CAPZB: variants seen among roughly 807,000 people sequenced by gnomAD.
The protein encoded by CAPZB is capping actin protein of muscle Z-line subunit beta.
CAPZB carries 2 observed loss-of-function variants against 38.1 expected under a neutral mutation model. The observed-to-expected ratio is 0.05, with a 90% CI of 0.02 to 0.17. The LOEUF is 0.17. Ranked by LOEUF, CAPZB falls within the 10% of genes least tolerant of loss-of-function variation. The pLI is 1.00. For missense variants in CAPZB, 161 were observed against 334.2 expected (o/e 0.48, Z 4.04); for synonymous variants, 107 against 127.4 (o/e 0.84, Z 1.08).
chr1:19,405,452 G>A (rs1243311029), intron 2 of CAPZB, among the ~76,000 whole-genome samples: 1 of 150,910 alleles, frequency 6.6e-6, no homozygotes, highest in African/African-American at 2.4e-5. Flanking sequence ...AAAACAATGC[G>A]GGCGAAGAAG....
chr1:19,436,101 G>A (rs2100605888), intron 1 of CAPZB, among the ~76,000 whole-genome samples: 1 of 152,298 alleles, frequency 6.6e-6, no homozygotes, highest in South Asian at 2.1e-4. Context: ...CTTATCTGCA[G>A]TTTTGTTTTT....
intron 2 of CAPZB, among the ~76,000 whole-genome samples, chr1:19,392,872 G>A (rs2094244713): frequency 6.6e-6 from 1 of 152,220 alleles, no homozygotes; most frequent in Non-Finnish European, 1.5e-5. Context: ...AGCACATGCT[G>A]GGAAAGGCCT....
intron 8 of CAPZB, among the ~76,000 whole-genome samples, chr1:19,341,753 G>C (rs192445514): frequency 2.0e-5 from 3 of 152,348 alleles, no homozygotes; most frequent in Non-Finnish European, 4.4e-5. Flanking sequence ...CACACTGTGA[G>C]GCTGACCCGA....
At chr1:19,433,066 A>G (rs1054524474) in intron 1 of CAPZB, among the ~76,000 whole-genome samples, 1 of 152,238 alleles carries the variant, frequency 6.6e-6, no homozygotes, top group Non-Finnish European at 1.5e-5. Context: ...CCCCTTGAGA[A>G]GATCTGCAAG....
intron 6 of CAPZB, among the ~76,000 whole-genome samples, chr1:19,352,059 A>T (rs1304769740): frequency 2.0e-5 from 3 of 152,242 alleles, no homozygotes; most frequent in Non-Finnish European, 4.4e-5. Context: ...GCGGGTGTGC[A>T]GCTGCAGCCA....
rs549335865 is a variant in CAPZB at position 19,439,034 on chromosome 1, T to C, written c.4-19284A>G. Among the ~76,000 whole-genome samples, 5 of 152,348 alleles carry C rather than the reference T, an allele frequency of 3.3e-5. No homozygotes were observed. The South Asian group carries it at 8.3e-4, about 25-fold the overall frequency. On this transcript the variant is annotated intron_variant, in intron 1 of 8. Transcript: ENST00000264202. ...ATCAGTTGGGATTCATTCTTACATG[T>C]TGTAAACATCACAGAGCTCCACCCA... is the stretch of plus-strand genomic sequence containing the variant.
At chr1:19,348,296 A>T in intron 6 of CAPZB, among the ~76,000 whole-genome samples, 1 of 151,324 alleles carries the variant, frequency 6.6e-6, no homozygotes, top group Non-Finnish European at 1.5e-5. Flanking sequence ...AAAGACAAGG[A>T]GGTCTTGCTA....
chr1:19,350,187 G>T (rs563820267), intron 6 of CAPZB, among the ~76,000 whole-genome samples: 1 of 152,378 alleles, frequency 6.6e-6, no homozygotes, highest in South Asian at 2.1e-4. Context: ...CTTCTAGCGC[G>T]ACCCGCAGGG....
intron 1 of CAPZB, among the ~76,000 whole-genome samples, chr1:19,474,151 A>C (rs1356588718): frequency 6.6e-6 from 1 of 151,976 alleles, no homozygotes; most frequent in Non-Finnish European, 1.5e-5. Context: ...GTGTGCCACC[A>C]CATTTGGCTA....
At chr1:19,445,316 C>T (rs2100662430) in intron 1 of CAPZB, among the ~76,000 whole-genome samples, 1 of 151,458 alleles carries the variant, frequency 6.6e-6, no homozygotes, top group East Asian at 1.9e-4. Flanking sequence ...GAACAAAAAC[C>T]CACCAAAAAA....
intron 7 of CAPZB, 84 bp downstream of exon 7, chr1:19,345,103 A>G (rs1038370577): frequency 2.0e-6 from 2 of 1,022,256 alleles, no homozygotes; most frequent in Non-Finnish European, 3.1e-6. Context: ...AGCAGCAGAG[A>G]AGGAGGCCAG....
In CAPZB at chr1:19,385,842, G is replaced by A. The variant is rs187759490; in HGVS notation, c.94-216C>T. 219 of 693,578 alleles carry A rather than the reference G, an allele frequency of 3.2e-4. 2 individuals carry two copies. In the East Asian group the frequency reaches 5.3e-3, roughly 17 times the overall value. 43.0% of individuals were successfully genotyped at this position (693,578 alleles called of 1,614,324 possible). On this transcript the variant is annotated intron_variant, in intron 2 of 8. Transcript: ENST00000264202. ...ACCCATTCTTGAATTACAGTGGAGC[G>A]TGATTTCTAATACAGTCTTCCTTCC...
intron 1 of CAPZB, among the ~76,000 whole-genome samples, chr1:19,474,784 G>A (rs2094601313): frequency 1.3e-5 from 2 of 152,182 alleles, no homozygotes; most frequent in South Asian, 4.1e-4. Flanking sequence ...CCATACTTTG[G>A]CTGCCTCAAA....
intron 8 of CAPZB, among the ~76,000 whole-genome samples, chr1:19,340,897 ACGGAGAGTGCACTCAG>A (rs1285905540): frequency 6.6e-6 from 1 of 152,114 alleles, no homozygotes; most frequent in Non-Finnish European, 1.5e-5. Context: ...GAAGAGTGCT[ACGGAGAGTGCACTCAG>A]CCGGACTCTC....
chr1:19,399,402 G>A (rs2094290993), intron 2 of CAPZB, among the ~76,000 whole-genome samples: 1 of 152,172 alleles, frequency 6.6e-6, no homozygotes, highest in Non-Finnish European at 1.5e-5. Flanking sequence ...GTGACCCTGG[G>A]TGTCAGGAAC....
intron 6 of CAPZB, among the ~76,000 whole-genome samples, chr1:19,354,507 C>T (rs572073594): frequency 9.7e-4 from 148 of 152,320 alleles, no homozygotes; most frequent in Non-Finnish European, 1.9e-3. Flanking sequence ...TGGTGATCGG[C>T]CGTTAGAATG....
At chr1:19,451,066 TACTC>T (rs1262124704) in intron 1 of CAPZB, among the ~76,000 whole-genome samples, 1 of 152,238 alleles carries the variant, frequency 6.6e-6, no homozygotes, top group Non-Finnish European at 1.5e-5. Context: ...CACTGACTGT[TACTC>T]ACAACACTGC....
chr1:19,454,374 T>G, intron 1 of CAPZB, among the ~76,000 whole-genome samples: 1 of 152,212 alleles, frequency 6.6e-6, no homozygotes, highest in East Asian at 1.9e-4. Flanking sequence ...TACCCCATAA[T>G]ATCTGCATCC....
Position 19,357,632 on chromosome 1 carries a change from C to A in CAPZB, c.330-69G>T. 3 of 1,497,094 alleles carry A rather than the reference C, an allele frequency of 2.0e-6. No homozygotes were observed. The highest frequency in any genetic ancestry group is 2.8e-6 in the Non-Finnish European group (3 of 1,082,610). The allele number at this position is 1,497,094 out of a possible 1,614,324, so 92.7% of individuals were successfully genotyped here. A position where few individuals can be genotyped will look rare whatever the true frequency, so the allele number is the denominator to read the frequency against. On this transcript the variant is annotated intron_variant, in intron 4 of 8. Coordinates refer to ENST00000264202, the MANE Select transcript of CAPZB (RefSeq NM_004930.5). The surrounding 1 kb of genome is among the most constrained non-coding windows in gnomAD (Gnocchi z 4.3). ...GATCATCAGCCTGGGTCCCAGGCTGCTGCTCAGCAAAGATTCTGGGATTCA... is the reference window on the plus strand; with the variant it reads ...GATCATCAGCCTGGGTCCCAGGCTGATGCTCAGCAAAGATTCTGGGATTCA...
Sources: allele counts gnomAD v4.1 joint callset (sites outside exome capture counted in the v4.1 genomes callset), GRCh38; gene constraint gnomAD v4.1.1; non-coding constraint Gnocchi (gnomAD v3.1); transcripts MANE v1.5; gene names NCBI Gene and HGNC (gene_info 2026-07-23, HGNC 2026-07-21).